The following BTRC variants were observed in gnomAD, a reference collection of about 807,000 sequenced individuals.
The protein encoded by BTRC is beta-transducin repeat containing E3 ubiquitin protein ligase.
In BTRC, 42 loss-of-function variants were observed where a neutral mutation model predicts 85.5. The ratio of observed to expected loss-of-function variants is 0.49; its 90% CI spans 0.38 to 0.64. The LOEUF is 0.64. BTRC is among the 30% of genes least tolerant of loss of function. The pLI is 0.00. For synonymous variants in BTRC, 255 were observed against 263.3 expected, an observed-to-expected ratio of 0.97 and a Z score of 0.30; for missense variants, 594 against 743.5, an observed-to-expected ratio of 0.80 and a Z score of 2.34.
intron 1 of BTRC, among the ~76,000 whole-genome samples, chr10:101,381,339 C>G (rs539745146): frequency 6.6e-6 from 1 of 152,272 alleles, no homozygotes; most frequent in African/African-American, 2.4e-5. Flanking sequence ...AGCTGGTATT[C>G]CAGCTCAGAC....
intron 3 of BTRC, among the ~76,000 whole-genome samples, chr10:101,470,329 CTTTTTTTTTT>C (rs950644281): frequency 3.2e-5 from 3 of 94,932 alleles, no homozygotes; most frequent in African/African-American, 1.4e-4. Context: ...ATTTTTCTTT[CTTTTTTTTTT>C]TTTTTTTTTT....
At chr10:101,471,988 C>G (rs1260480107) in intron 3 of BTRC, among the ~76,000 whole-genome samples, 1 of 152,176 alleles carries the variant, frequency 6.6e-6, no homozygotes, top group East Asian at 1.9e-4. Context: ...CTTCATCGTT[C>G]TGAGTATTTC....
intron 3 of BTRC, among the ~76,000 whole-genome samples, chr10:101,476,791 G>A (rs1191717272): frequency 1.3e-5 from 2 of 152,050 alleles, no homozygotes; most frequent in Admixed American, 6.5e-5. Context: ...ATCTCAAAAT[G>A]TTAAAAAATT....
rs556195796 is a variant in BTRC at position 101,372,190 on chromosome 10, C to T, written c.48+17962C>T. On this transcript the variant is annotated intron_variant, in intron 1 of 14. Transcript: ENST00000370187. ...TTTCTTGATATCTGATAGTATATGC[C>T]CCTCAGCTTCCCCTTCCCCCAAGAT... Among the ~76,000 whole-genome samples the T allele has an allele frequency of 1.3e-4, 19 of 151,480 alleles. No individual in the cohort carries two copies. In the South Asian group the frequency reaches 4.0e-3, roughly 32 times the overall value.
intron 9 of BTRC, among the ~76,000 whole-genome samples, chr10:101,533,424 A>T (rs2062331251): frequency 6.6e-6 from 1 of 152,196 alleles, no homozygotes; most frequent in Non-Finnish European, 1.5e-5. Context: ...TGGTAACTGT[A>T]GTGCAGGTCT....
intron 3 of BTRC, among the ~76,000 whole-genome samples, chr10:101,467,706 A>G (rs541573497): frequency 4.6e-5 from 7 of 152,036 alleles, no homozygotes; most frequent in African/African-American, 7.2e-5. Flanking sequence ...TAAAAAAAAA[A>G]TTGCCTGAGA....
chr10:101,490,521 A>T (rs1946103513), intron 4 of BTRC, among the ~76,000 whole-genome samples: 1 of 152,204 alleles, frequency 6.6e-6, no homozygotes, highest in East Asian at 1.9e-4. Flanking sequence ...TTTTGAACTA[A>T]GATCTGACTT....
At chr10:101,496,484 T>C (rs749923466) in intron 4 of BTRC, among the ~76,000 whole-genome samples, 5 of 152,182 alleles carry the variant, frequency 3.3e-5, no homozygotes, top group Non-Finnish European at 5.9e-5. Context: ...AGCGCAATCA[T>C]AGCTCACTGT....
At chr10:101,404,383 C>A (rs1360758196) in intron 1 of BTRC, among the ~76,000 whole-genome samples, 1 of 152,082 alleles carries the variant, frequency 6.6e-6, no homozygotes. Context: ...CCGTCTGTGC[C>A]ATCTTGGTAT....
intron 1 of BTRC, among the ~76,000 whole-genome samples, chr10:101,421,497 A>G (rs1454225699): frequency 6.6e-6 from 1 of 152,042 alleles, no homozygotes; most frequent in East Asian, 1.9e-4. Context: ...TTTAAGTTCT[A>G]GGGTACATGT....
rs1265691229 is a variant in BTRC, at chr10:101,475,953, A to ATATATATATATATATATATATATATATT, written c.235-3414_235-3413insATATATATATATATATATATATATATTT. ...TATATATATATATATATATATATAT[A>ATATATATATATATATATATATATATATT]TTCAGTAATTCCTAAGGGGAAAATA... On this transcript the variant is annotated intron_variant, in intron 3 of 14. Transcript: ENST00000370187. 3.8e-4 allele frequency among the ~76,000 whole-genome samples: 51 copies of ATATATATATATATATATATATATATATT among 133,784 alleles called. 4 individuals carry two copies. The highest frequency in any genetic ancestry group is 5.3e-4 in the African/African-American group (18 of 33,964). 87.8% of individuals were successfully genotyped at this position (133,784 alleles called of 152,430 possible). A position where few individuals can be genotyped will look rare whatever the true frequency, so the allele number is the denominator to read the frequency against.
At chr10:101,443,866 C>T (rs1410654461) in intron 2 of BTRC, among the ~76,000 whole-genome samples, 1 of 152,304 alleles carries the variant, frequency 6.6e-6, no homozygotes, top group South Asian at 2.1e-4. Flanking sequence ...AACTCCGATT[C>T]GATTCACAGA....
In BTRC at chr10:101,395,596, C is replaced by T. The variant is rs144092688; in HGVS notation, c.49-34749C>T. Among the ~76,000 whole-genome samples, 518 of 152,206 alleles carry T rather than the reference C, an allele frequency of 3.4e-3. 3 individuals carry two copies. The highest frequency in any genetic ancestry group is 0.012 in the African/African-American group (498 of 41,542). On this transcript the variant is annotated intron_variant, in intron 1 of 14. Coordinates refer to ENST00000370187, the MANE Select transcript of BTRC (RefSeq NM_033637.4). ...ATTGTTATTTCAGAATTTGAAATAA[C>T]AGTGGATTTTTTTCTTTAAAAAATG...
At chr10:101,547,712 G>A (rs911706849) in intron 13 of BTRC, among the ~76,000 whole-genome samples, 4 of 152,132 alleles carry the variant, frequency 2.6e-5, no homozygotes, top group African/African-American at 9.7e-5. Context: ...GTAATAATGT[G>A]CCAATAAAAT....
intron 1 of BTRC, among the ~76,000 whole-genome samples, chr10:101,359,896 G>A (rs879838966): frequency 3.3e-5 from 5 of 151,822 alleles, no homozygotes; most frequent in Non-Finnish European, 4.4e-5. Flanking sequence ...TGCCGTGTCC[G>A]GCCTCTTTTT....
intron 4 of BTRC, among the ~76,000 whole-genome samples, chr10:101,484,633 A>C (rs1321155392): frequency 6.6e-6 from 1 of 152,196 alleles, no homozygotes; most frequent in Non-Finnish European, 1.5e-5. Flanking sequence ...CACAAGTAGC[A>C]TGTCATATGG....
intron 2 of BTRC, among the ~76,000 whole-genome samples, chr10:101,440,409 GAA>G (rs948953734): frequency 1.3e-5 from 2 of 152,096 alleles, no homozygotes; most frequent in African/African-American, 2.4e-5. Flanking sequence ...CTGGAGTATG[GAA>G]AAGAGTTTGT....
chr10:101,490,073 A>G (rs1946089320), intron 4 of BTRC, among the ~76,000 whole-genome samples: 1 of 151,414 alleles, frequency 6.6e-6, no homozygotes, highest in Admixed American at 6.6e-5. Context: ...TATAAAGATT[A>G]TCATAATTCT....
intron 1 of BTRC, among the ~76,000 whole-genome samples, 168 bp from the exon 2 acceptor site, chr10:101,430,177 G>C (rs1204622472): frequency 6.6e-6 from 1 of 152,166 alleles, no homozygotes; most frequent in African/African-American, 2.4e-5. Flanking sequence ...CCCCTTTTGG[G>C]ATTCTCTCTG....
Sources: gnomAD v4.1 joint callset for allele counts (sites outside exome capture counted in the v4.1 genomes callset) on GRCh38, gnomAD v4.1.1 for gene constraint, MANE v1.5 for transcripts, NCBI Gene and HGNC (gene_info 2026-07-23, HGNC 2026-07-21) for gene names.